The following ZNF764 variants were observed in gnomAD, a reference collection of about 807,000 sequenced individuals.
The protein encoded by ZNF764 is zinc finger protein 764.
A neutral mutation model predicts 13.9 loss-of-function variants in ZNF764; 10 were observed. That is an observed-to-expected ratio of 0.72 (90% CI 0.44 to 1.22). The LOEUF is 1.22. Ranked by LOEUF, ZNF764 falls within the 50% of genes most tolerant of loss-of-function variation. ZNF764 has a pLI of 0.00. For missense variants in ZNF764, 647 were observed against 589.7 expected (o/e 1.10, Z -1.01); for synonymous variants, 313 against 255.1 (o/e 1.23, Z -2.16).
rs2051527623 is a variant in ZNF764, at chr16:30,553,999, A to G, written c.*1195T>C. The G allele has an allele frequency of 1.3e-5, 2 of 152,322 alleles. No homozygotes were observed. The highest frequency in any genetic ancestry group is 4.1e-4 in the South Asian group (2 of 4,830). The allele number at this position is 152,322 out of a possible 1,614,324, so 9.4% of individuals were successfully genotyped here. On this transcript the variant is annotated 3_prime_UTR_variant, in exon 3 of 3. Transcript: ENST00000395091. Reference sequence around the variant, plus strand: ...GATAAACACCAAAAACACTAAAAGCAAGCCATGATGAATGGCACGTGGTGC... The same window carrying G: ...GATAAACACCAAAAACACTAAAAGCGAGCCATGATGAATGGCACGTGGTGC...
intron 2 of ZNF764, among the ~76,000 whole-genome samples, chr16:30,557,333 C>T (rs1172745514): frequency 2.6e-5 from 4 of 151,840 alleles, no homozygotes; most frequent in Middle Eastern, 6.4e-3. Flanking sequence ...GGCTTCGTGG[C>T]GAGCACCTGT....
Position 30,555,462 on chromosome 16 carries a change from C to G in ZNF764, c.956G>C (p.Cys319Ser), listed in dbSNP as rs771152132. ...CGAGCTCTGGCGGAAGCAGCGCCCG[C>G]AGTCCGGGCACGGGTAGGGCTTCTC... ...TGEKPYPCPD[C>S]GRCFRQSSEM... Residue 319 changes from cysteine to serine, a missense_variant, in exon 3 of 3, where the codon TGC (cysteine) becomes TCC (serine). Cys to Ser is a moderately radical substitution (Grantham distance 112, BLOSUM62 -1). Coordinates refer to ENST00000395091, the MANE Select transcript of ZNF764 (RefSeq NM_001172679.2). The G allele has an allele frequency of 1.2e-5, 18 of 1,545,668 alleles. No homozygotes were observed. Among genetic ancestry groups the G allele is most frequent in the Non-Finnish European group, 1.5e-5 (17 of 1,142,968 alleles).
rs1403701154 is a variant in ZNF764, at chr16:30,557,778, C to T, written c.265G>A (p.Ala89Thr). 2 of 1,613,434 alleles carry T rather than the reference C, an allele frequency of 1.2e-6. No individual in the cohort carries two copies. Among genetic ancestry groups the T allele is most frequent in the Admixed American group, 1.7e-5 (1 of 59,974 alleles). ...EEEAELWGPA[A>T]QDPEVAKCQT... ...CATTTCGCCACCTCCGGATCCTGGGCAGCCGGACCCCACAGTTCGGCCTCC... is the reference window on the plus strand; with the variant it reads ...CATTTCGCCACCTCCGGATCCTGGGTAGCCGGACCCCACAGTTCGGCCTCC... Residue 89 changes from alanine (A) to threonine (T), a missense_variant, in exon 2 of 3, where the codon GCC (alanine) becomes ACC (threonine). Coordinates refer to ENST00000395091, the MANE Select transcript of ZNF764 (RefSeq NM_001172679.2).
chr16:30,555,154 C>A lies in ZNF764; in HGVS notation c.*40G>T. 6.4e-7 allele frequency: 1 copy of A among 1,553,510 alleles called. No homozygotes were observed. The highest frequency in any genetic ancestry group is 1.2e-5 in the South Asian group (1 of 81,096). On this transcript the variant is annotated 3_prime_UTR_variant, in exon 3 of 3. Transcript: ENST00000395091. ...GAGGTTCGGGCCCCTGAGCCCATCT[C>A]GGGCCTCCCGTAATGTCTAGATAGT...
rs747249153 is a variant in ZNF764, at chr16:30,555,634, C to T, written c.784G>A (p.Asp262Asn). Reference sequence around the variant, plus strand: ...CTCTGGCTGAAGCGGCGGCCACAGTCGGCGCAGCCATAGGGTTTCTCGCCG... The same window carrying T: ...CTCTGGCTGAAGCGGCGGCCACAGTTGGCGCAGCCATAGGGTTTCTCGCCG... The part of the protein sequence containing the change: ...HTGEKPYGCA[D>N]CGRRFSQSSA... The change falls in exon 3 of 3, where the codon GAC becomes AAC. Residue 262 changes from aspartate to asparagine, a missense_variant. Asp to Asn is a conservative substitution (Grantham distance 23, BLOSUM62 1). Transcript: ENST00000395091. The T allele has an allele frequency of 4.5e-5, 69 of 1,537,000 alleles. No homozygotes were observed. Among genetic ancestry groups the T allele is most frequent in the Non-Finnish European group, 5.8e-5 (67 of 1,146,316 alleles).
rs551753844 is a variant in ZNF764, at chr16:30,558,358, G to A, written c.-176C>T. 2.9e-6 allele frequency: 2 copies of A among 701,214 alleles called. No individual in the cohort carries two copies. Among genetic ancestry groups the A allele is most frequent in the East Asian group, 2.8e-5 (1 of 36,048 alleles). 43.4% of individuals were successfully genotyped at this position (701,214 alleles called of 1,614,324 possible). Reference sequence around the variant, plus strand: ...GAAACTAACGGTGCCGATGGCAGCGGGTGTATAATCAGAAATGGAATATGC... The same window carrying A: ...GAAACTAACGGTGCCGATGGCAGCGAGTGTATAATCAGAAATGGAATATGC... On this transcript the variant is annotated 5_prime_UTR_variant, in exon 1 of 3. Transcript: ENST00000395091.
At position 30,554,956 on chromosome 16, in the gene ZNF764, G is replaced by A. The variant is rs1343884648; in HGVS notation, c.*238C>T. On this transcript the variant is annotated 3_prime_UTR_variant, in exon 3 of 3. Transcript: ENST00000395091. ...AACAGCTTTTGGTTCCCCTTATGTA[G>A]GTCTGGGGGTTCTCAACTCAGCCCT... 1.9e-6 allele frequency: 1 copy of A among 520,026 alleles called. No homozygotes were observed. The highest frequency in any genetic ancestry group is 3.3e-6 in the Non-Finnish European group (1 of 301,262). 32.2% of individuals were successfully genotyped at this position (520,026 alleles called of 1,614,324 possible).
Position 30,556,174 on chromosome 16 carries a change from C to A in ZNF764, c.311-67G>T, listed in dbSNP as rs776806681. The A allele has an allele frequency of 2.5e-6, 4 of 1,572,048 alleles. No homozygotes were observed. In the African/African-American group the frequency reaches 4.0e-5, roughly 16 times the overall value. On this transcript the variant is annotated intron_variant, in intron 2 of 2. Transcript: ENST00000395091. ...CCTGGTCCTTGAATCCCACAGCCCGCGTGGACAGGGACAGGCCTGCTGGAT... is the reference window on the plus strand; with the variant it reads ...CCTGGTCCTTGAATCCCACAGCCCGAGTGGACAGGGACAGGCCTGCTGGAT...
rs908698438 is a variant in ZNF764, at chr16:30,557,639, G to A, written c.310+94C>T. ...GCAGTTGAGAAGGCAGTTCAGAGAG[G>A]AAACTGCTAAGCAGGTAGCTGGAGG... On this transcript the variant is annotated intron_variant, in intron 2 of 2. Coordinates refer to ENST00000395091, the MANE Select transcript of ZNF764 (RefSeq NM_001172679.2). 2.5e-4 allele frequency: 379 copies of A among 1,519,750 alleles called. 1 individual carries two copies. In the Middle Eastern group the frequency reaches 3.5e-3, roughly 14 times the overall value. The allele number at this position is 1,519,750 out of a possible 1,614,324, so 94.1% of individuals were successfully genotyped here.
At position 30,555,670 on chromosome 16, in the gene ZNF764, G is replaced by C; in HGVS notation, c.748C>G (p.Arg250Gly). 1 of 1,552,464 alleles carries C rather than the reference G, an allele frequency of 6.4e-7. No individual in the cohort carries two copies. Among genetic ancestry groups the C allele is most frequent in the African/African-American group, 1.4e-5 (1 of 73,918 alleles). Residue 250 changes from arginine (R) to glycine (G), a missense_variant, in exon 3 of 3, where the codon CGC becomes GGC. Physicochemically the swap from Arg to Gly is moderately radical, Grantham distance 125. Transcript: ENST00000395091. ...TAGGGTTTCTCGCCGGTGTGGACGC[G>C]CAGGTGCGAAGTCAGCGCCGAGCGC... ...TQRSALTSHL[R>G]VHTGEKPYGC...
At position 30,555,483 on chromosome 16, in the gene ZNF764, T is replaced by C; in HGVS notation, c.935A>G (p.Lys312Arg). The change falls in exon 3 of 3, where the codon AAG becomes AGG. Residue 312 changes from lysine (K) to arginine (R), a missense_variant. Physicochemically the swap from Lys to Arg is conservative, Grantham distance 26 (BLOSUM62 2). Coordinates refer to ENST00000395091, the MANE Select transcript of ZNF764 (RefSeq NM_001172679.2). ...CCCGCAGTCCGGGCACGGGTAGGGC[T>C]TCTCGCCGGTGTGGGTGCGCACGTG... Reference protein sequence around the residue: ...RRHVRTHTGEKPYPCPDCGRC... With the variant: ...RRHVRTHTGERPYPCPDCGRC... 1 of 1,550,274 alleles carries C rather than the reference T, an allele frequency of 6.5e-7. No individual in the cohort carries two copies. The highest frequency in any genetic ancestry group is 8.7e-7 in the Non-Finnish European group (1 of 1,152,552).
At position 30,557,905 on chromosome 16, in the gene ZNF764, C is replaced by T. The variant is rs749872088; in HGVS notation, c.197-59G>A. 9 of 1,570,254 alleles carry T rather than the reference C, an allele frequency of 5.7e-6. No individual in the cohort carries two copies. In the East Asian group the frequency reaches 1.9e-4, roughly 33 times the overall value. The stretch of plus-strand genomic sequence containing the variant: ...GGAGGCCACCTGCCCGGCCCCGGGG[C>T]CCCCAACTTCACGCGCAGCTCCCAG... On this transcript the variant is annotated intron_variant, in intron 1 of 2. Coordinates refer to ENST00000395091, the MANE Select transcript of ZNF764 (RefSeq NM_001172679.2).
In ZNF764 at chr16:30,556,274, A is replaced by G. The variant is rs542875086; in HGVS notation, c.311-167T>C. Among the ~76,000 whole-genome samples the G allele has an allele frequency of 5.3e-5, 8 of 151,998 alleles. 1 individual carries two copies. The highest frequency in any genetic ancestry group is 5.2e-4 in the Admixed American group (8 of 15,262). Reference sequence around the variant, plus strand: ...AGAGCCAGACAGAGCCGGGAGGGAGAGAACAGCCCATTCCGCCTCGGGGCT... The same window carrying G: ...AGAGCCAGACAGAGCCGGGAGGGAGGGAACAGCCCATTCCGCCTCGGGGCT... On this transcript the variant is annotated intron_variant, in intron 2 of 2. Coordinates refer to ENST00000395091, the MANE Select transcript of ZNF764 (RefSeq NM_001172679.2).
Position 30,558,357 on chromosome 16 carries a change from G to C in ZNF764, c.-175C>G, listed in dbSNP as rs1597134316. The C allele has an allele frequency of 1.4e-6, 1 of 704,568 alleles. No homozygotes were observed. The highest frequency in any genetic ancestry group is 2.3e-6 in the Non-Finnish European group (1 of 435,026). The allele number at this position is 704,568 out of a possible 1,614,324, so 43.6% of individuals were successfully genotyped here. A position where few individuals can be genotyped will look rare whatever the true frequency, so the allele number is the denominator to read the frequency against. On this transcript the variant is annotated 5_prime_UTR_variant, in exon 1 of 3. Coordinates refer to ENST00000395091, the MANE Select transcript of ZNF764 (RefSeq NM_001172679.2). Reference sequence around the variant, plus strand: ...GGAAACTAACGGTGCCGATGGCAGCGGGTGTATAATCAGAAATGGAATATG... The same window carrying C: ...GGAAACTAACGGTGCCGATGGCAGCCGGTGTATAATCAGAAATGGAATATG...
chr16:30,555,202 A>G lies in ZNF764; in HGVS notation c.1216T>C (p.Cys406Arg). 6.2e-7 allele frequency: 1 copy of G among 1,607,062 alleles called. No homozygotes were observed. ...FQLYPEIFQE[C>R]G ...AGTCACTTTTAAGGCCGTCACCCAC[A>G]CTCCTGGAATATCTCCGGGTACAGC... Residue 406 changes from cysteine to arginine, a missense_variant, in exon 3 of 3, where the codon TGT becomes CGT. Coordinates refer to ENST00000395091, the MANE Select transcript of ZNF764 (RefSeq NM_001172679.2).
chr16:30,555,246 T>C lies in ZNF764; in HGVS notation c.1172A>G (p.Asp391Gly). The C allele has an allele frequency of 6.2e-7, 1 of 1,612,090 alleles. No individual in the cohort carries two copies. Among genetic ancestry groups the C allele is most frequent in the Non-Finnish European group, 8.5e-7 (1 of 1,179,216 alleles). ...VTLTPGHGDL[D>G]PPVGFQLYPE... ...GTACAGCTGGAAGCCCACGGGCGGGTCCAGGTCTCCGTGGCCAGGGGTCAG... is the reference window on the plus strand; with the variant it reads ...GTACAGCTGGAAGCCCACGGGCGGGCCCAGGTCTCCGTGGCCAGGGGTCAG... The change falls in exon 3 of 3, where the codon GAC becomes GGC. Residue 391 changes from aspartate to glycine, a missense_variant. Coordinates refer to ENST00000395091, the MANE Select transcript of ZNF764 (RefSeq NM_001172679.2).
In ZNF764 at chr16:30,555,968, C is replaced by T; in HGVS notation, c.450G>A (p.Leu150=). 1 of 1,612,010 alleles carries T rather than the reference C, an allele frequency of 6.2e-7. No homozygotes were observed. Among genetic ancestry groups the T allele is most frequent in the Non-Finnish European group, 8.5e-7 (1 of 1,179,890 alleles). Residue 150 remains leucine, a synonymous_variant, in exon 3 of 3, where the codon CTG becomes CTA. Coordinates refer to ENST00000395091, the MANE Select transcript of ZNF764 (RefSeq NM_001172679.2). ...GGCGTCCCCGGTGCGGTGCCTTGGACAGCTGCTCCCAACCATAAGGGGGCC... is the reference window on the plus strand; with the variant it reads ...GGCGTCCCCGGTGCGGTGCCTTGGATAGCTGCTCCCAACCATAAGGGGGCC... The part of the protein sequence containing the change: ...SAGPPYGWEQ[L]SKAPHRGRPS...
Position 30,555,887 on chromosome 16 carries a change from G to C in ZNF764, c.531C>G (p.Tyr177Ter), listed in dbSNP as rs1476830148. Residue 177 changes from tyrosine to a stop codon, truncating the protein, a stop_gained, in exon 3 of 3, where the codon TAC (tyrosine) becomes TAG (stop). Coordinates refer to ENST00000395091, the MANE Select transcript of ZNF764 (RefSeq NM_001172679.2). LOFTEE classifies it low-confidence loss of function (END_TRUNC). Reference sequence around the variant, plus strand: ...GCCAGGCAAAGCTCTTCCCGCACACGTAGCAGCCATGACGCTGGTCAGCTC... The same window carrying C: ...GCCAGGCAAAGCTCTTCCCGCACACCTAGCAGCCATGACGCTGGTCAGCTC... ...VPRADQRHGC[Y>*]VCGKSFAWRS... is the part of the protein sequence containing the mutation. 3 of 1,612,022 alleles carry C rather than the reference G, an allele frequency of 1.9e-6. No homozygotes were observed. The highest frequency in any genetic ancestry group is 2.5e-6 in the Non-Finnish European group (3 of 1,179,358).
Position 30,555,302 on chromosome 16 carries a change from C to T in ZNF764, c.1116G>A (p.Arg372=). 6.2e-7 allele frequency: 1 copy of T among 1,611,078 alleles called. No homozygotes were observed. Among genetic ancestry groups the T allele is most frequent in the Non-Finnish European group, 8.5e-7 (1 of 1,178,834 alleles). ...CAGACAGACGCCCGGCGACCCGGCC[C>T]CTGTGGCCCCCGGCCCCGGGCCGAT... ...WVHRPGAGGH[R]GRVAGRLSVT... The change falls in exon 3 of 3, where the codon AGG becomes AGA. Residue 372 remains arginine, a synonymous_variant. Coordinates refer to ENST00000395091, the MANE Select transcript of ZNF764 (RefSeq NM_001172679.2).
Sources: gnomAD v4.1 joint callset for allele counts (sites outside exome capture counted in the v4.1 genomes callset) on GRCh38, gnomAD v4.1.1 for gene constraint, MANE v1.5 for transcripts, NCBI Gene and HGNC (gene_info 2026-07-23, HGNC 2026-07-21) for gene names.